SLCO1A2: variants seen among roughly 807,000 people sequenced by gnomAD.
The protein encoded by SLCO1A2 is OATP-1.
SLCO1A2 carries 67 observed loss-of-function variants against 69.0 expected under a neutral mutation model. That is an observed-to-expected ratio of 0.97 (90% CI 0.80 to 1.19). SLCO1A2 has a LOEUF of 1.19. SLCO1A2 is among the 50% of genes most tolerant of loss of function. The probability of loss-of-function intolerance (pLI) is 0.00; values close to 1 mark genes in which losing one functional copy is unlikely to be tolerated. For missense variants in SLCO1A2, 787 were observed against 793.7 expected (o/e 0.99, Z 0.10); for synonymous variants, 260 against 265.9 (o/e 0.98, Z 0.22).
Position 21,318,892 on chromosome 12 carries a change from A to G in SLCO1A2, c.92T>C (p.Val31Ala). 6.3e-7 allele frequency: 1 copy of G among 1,599,648 alleles called. No homozygotes were observed. The highest frequency in any genetic ancestry group is 2.2e-5 in the East Asian group (1 of 44,604). Residue 31 changes from valine to alanine, a missense_variant, in exon 3 of 15, where the codon GTA becomes GCA. Physicochemically the swap from Val to Ala is moderately conservative, Grantham distance 64. Coordinates refer to ENST00000683939, the MANE Select transcript of SLCO1A2 (RefSeq NM_001386879.1). ...ATAAGATCCAGACAGTGTTTTGGAT[A>G]CAAATGCACATGTTATTGCCAACAG... The part of the protein sequence containing the change: ...MFLLAITCAF[V>A]SKTLSGSYMN...
At chr12:21,272,919 C>T (rs1382904359) in intron 14 of SLCO1A2, among the ~76,000 whole-genome samples, 2 of 152,078 alleles carry the variant, frequency 1.3e-5, no homozygotes, top group Non-Finnish European at 2.9e-5. Flanking sequence ...TTCTCAAGAA[C>T]TGTAAAAGAG....
At chr12:21,345,898 C>A (rs534079415) in intron 2 of SLCO1A2, among the ~76,000 whole-genome samples, 1 of 151,754 alleles carries the variant, frequency 6.6e-6, no homozygotes, top group African/African-American at 2.4e-5. Context: ...AGGCTTATTG[C>A]TTTTTTGTGA....
At chr12:21,282,822 A>G (rs780347415) in intron 12 of SLCO1A2, among the ~76,000 whole-genome samples, 1 of 152,114 alleles carries the variant, frequency 6.6e-6, no homozygotes, top group African/African-American at 2.4e-5. Context: ...AAGTAATTCT[A>G]TTTACAATAG....
upstream of SLCO1A2, chr12:21,419,427 G>C (rs958469051): frequency 6.5e-6 from 1 of 153,342 alleles, no homozygotes; most frequent in Non-Finnish European, 1.4e-5. Flanking sequence ...GGGTCAGCGA[G>C]TTCCCTTTCT....
intron 1 of SLCO1A2, among the ~76,000 whole-genome samples, chr12:21,384,067 A>G (rs1223847223): frequency 1.3e-5 from 2 of 152,234 alleles, no homozygotes; most frequent in Non-Finnish European, 2.9e-5. Flanking sequence ...TAGAAATAAA[A>G]TATGCAAAGT....
At chr12:21,357,287 TCA>T (rs1349696015) in intron 2 of SLCO1A2, among the ~76,000 whole-genome samples, 3 of 152,108 alleles carry the variant, frequency 2.0e-5, no homozygotes, top group African/African-American at 7.2e-5. Flanking sequence ...GGAAGTTTGG[TCA>T]CAGAGACACA....
chr12:21,280,279 T>C (rs1432264894), intron 12 of SLCO1A2, among the ~76,000 whole-genome samples: 1 of 151,962 alleles, frequency 6.6e-6, no homozygotes, highest in African/African-American at 2.4e-5. Flanking sequence ...TCCAATACAA[T>C]GACATAAAGT....
At chr12:21,407,206 GA>G (rs1270480050) in intron 1 of SLCO1A2, among the ~76,000 whole-genome samples, 1 of 152,132 alleles carries the variant, frequency 6.6e-6, no homozygotes, top group South Asian at 2.1e-4. Flanking sequence ...GCATAAGAAG[GA>G]AAAAATACGT....
chr12:21,366,420 A>G (rs1184134581), intron 2 of SLCO1A2, among the ~76,000 whole-genome samples: 1 of 151,998 alleles, frequency 6.6e-6, no homozygotes, highest in African/African-American at 2.4e-5. Context: ...GGGGAGGGAT[A>G]GCATTAGGAG....
chr12:21,397,058 A>G (rs1337226852), upstream of SLCO1A2, among the ~76,000 whole-genome samples: 2 of 152,086 alleles, frequency 1.3e-5, no homozygotes, highest in Non-Finnish European at 2.9e-5. Context: ...AAATGCTCCA[A>G]TTAAAAGACA....
chr12:21,323,670 C>A (rs1238335754), intron 2 of SLCO1A2, among the ~76,000 whole-genome samples: 1 of 152,182 alleles, frequency 6.6e-6, no homozygotes, highest in Non-Finnish European at 1.5e-5. Flanking sequence ...GGCTTTGTCA[C>A]AAGGTATCTT....
At chr12:21,372,232 T>G (rs1939851523) in intron 2 of SLCO1A2, among the ~76,000 whole-genome samples, 1 of 152,190 alleles carries the variant, frequency 6.6e-6, no homozygotes, top group South Asian at 2.1e-4. Context: ...CAAAAACTAC[T>G]TGACTACATA....
intron 13 of SLCO1A2, 94 bp from the exon 14 acceptor site, chr12:21,274,680 G>A (rs1282438523): frequency 1.1e-6 from 1 of 895,070 alleles, no homozygotes; most frequent in African/African-American, 1.7e-5. Context: ...GTACGGCAAA[G>A]TTTATCAAAA....
chr12:21,269,263 C>T lies in SLCO1A2; in HGVS notation c.*285G>A, dbSNP rs901594358. On this transcript the variant is annotated 3_prime_UTR_variant, in exon 15 of 15. Transcript: ENST00000683939. ...AGTAGAAGGAGATGTAGGAAGTACACCCTTACTTCGATGAATTAAGGGAAA... is the reference window on the plus strand; with the variant it reads ...AGTAGAAGGAGATGTAGGAAGTACATCCTTACTTCGATGAATTAAGGGAAA... 2 of 242,216 alleles carry T rather than the reference C, an allele frequency of 8.3e-6. No individual in the cohort carries two copies. The highest frequency in any genetic ancestry group is 1.6e-5 in the Non-Finnish European group (2 of 126,502). 15.0% of individuals were successfully genotyped at this position (242,216 alleles called of 1,614,324 possible).
intron 6 of SLCO1A2, among the ~76,000 whole-genome samples, chr12:21,302,947 C>A (rs895976762): frequency 2.0e-5 from 3 of 152,262 alleles, no homozygotes; most frequent in Non-Finnish European, 4.4e-5. Flanking sequence ...CCGCCTCAGC[C>A]TCCCAAAGTG....
chr12:21,367,917 A>C (rs572968879), intron 2 of SLCO1A2, among the ~76,000 whole-genome samples: 25 of 152,324 alleles, frequency 1.6e-4, no homozygotes, highest in Admixed American at 1.3e-3. Context: ...GTAATCAAAT[A>C]GTTAACAAGA....
At chr12:21,404,807 A>T (rs1941795598) in intron 1 of SLCO1A2, among the ~76,000 whole-genome samples, 1 of 152,120 alleles carries the variant, frequency 6.6e-6, no homozygotes, top group Admixed American at 6.6e-5. Flanking sequence ...TTGAGGAATT[A>T]TCACCGTGTC....
At chr12:21,406,298 G>A (rs937242242) in intron 1 of SLCO1A2, among the ~76,000 whole-genome samples, 9 of 151,986 alleles carry the variant, frequency 5.9e-5, no homozygotes, top group African/African-American at 2.2e-4. Flanking sequence ...CTGCTTCTCA[G>A]TTGCTGATGA....
At chr12:21,402,888 A>G (rs970622828) in intron 1 of SLCO1A2, among the ~76,000 whole-genome samples, 42 of 152,304 alleles carry the variant, frequency 2.8e-4, no homozygotes, top group African/African-American at 9.4e-4. Context: ...CTTTGAAAAA[A>G]TAATGTTCTC....
Sources: gnomAD v4.1 joint callset for allele counts (sites outside exome capture counted in the v4.1 genomes callset) on GRCh38, gnomAD v4.1.1 for gene constraint, MANE v1.5 for transcripts, NCBI Gene and HGNC (gene_info 2026-07-23, HGNC 2026-07-21) for gene names.